The following LRP5 variants were observed in gnomAD, a reference collection of about 807,000 sequenced individuals.
The protein encoded by LRP5 is low-density lipoprotein receptor-related protein 5.
LRP5 carries 62 observed loss-of-function variants against 154.1 expected under a neutral mutation model. That is an observed-to-expected ratio of 0.40 (90% CI 0.33 to 0.50). The LOEUF (loss-of-function observed/expected upper bound fraction) is 0.50. LRP5 is among the 20% of genes least tolerant of loss of function. The pLI is 0.55. For missense variants in LRP5, 1,915 were observed against 2,336.7 expected, an observed-to-expected ratio of 0.82 and a Z score of 3.72; for synonymous variants, 966 against 1,011.5, an observed-to-expected ratio of 0.96 and a Z score of 0.85.
chr11:68,438,924 T>C (rs1167255746), intron 20 of LRP5, among the ~76,000 whole-genome samples: 2 of 152,248 alleles, frequency 1.3e-5, no homozygotes, highest in South Asian at 2.1e-4. Flanking sequence ...AGAAAGCTCC[T>C]TGGACTTGAC....
At chr11:68,321,536 C>G (rs1352690510) in intron 1 of LRP5, among the ~76,000 whole-genome samples, 3 of 152,090 alleles carry the variant, frequency 2.0e-5, no homozygotes, top group Non-Finnish European at 2.9e-5. Context: ...AATTCATCTG[C>G]TGGGTGCAGT....
intron 1 of LRP5, among the ~76,000 whole-genome samples, chr11:68,340,108 C>T (rs1424977177): frequency 1.3e-5 from 2 of 152,100 alleles, no homozygotes; most frequent in Admixed American, 6.5e-5. Flanking sequence ...GGCGTGGTGG[C>T]GTGTGCCTGT....
At chr11:68,358,255 A>T (rs1463935069) in intron 3 of LRP5, among the ~76,000 whole-genome samples, 1 of 152,014 alleles carries the variant, frequency 6.6e-6, no homozygotes, top group African/African-American at 2.4e-5. Flanking sequence ...AGCTGGGACT[A>T]CAGGAGTGCG....
upstream of LRP5, among the ~76,000 whole-genome samples, chr11:68,308,450 C>T (rs564075592): frequency 5.9e-5 from 9 of 152,274 alleles, no homozygotes; most frequent in East Asian, 1.9e-4. Context: ...ATCTAAGGAA[C>T]GAACTGAGAG....
chr11:68,338,867 GTTTT>G (rs11382677), intron 1 of LRP5, among the ~76,000 whole-genome samples: 2 of 91,948 alleles, frequency 2.2e-5, no homozygotes, highest in South Asian at 4.0e-4. Flanking sequence ...CTTTTGTTTA[GTTTT>G]TTTTTTTTTT....
rs1565100491 is a variant in LRP5 at position 68,423,358 on chromosome 11, G to A, written c.3028-131G>A. The A allele has an allele frequency of 1.2e-6, 1 of 830,696 alleles. No individual in the cohort carries two copies. The highest frequency in any genetic ancestry group is 2.1e-6 in the Non-Finnish European group (1 of 477,338). 51.5% of individuals were successfully genotyped at this position (830,696 alleles called of 1,614,324 possible). On this transcript the variant is annotated intron_variant, in intron 13 of 22. Coordinates refer to ENST00000294304, the MANE Select transcript of LRP5 (RefSeq NM_002335.4). This position sits in a 1 kb window ranked among gnomAD's most constrained non-coding sequence, Gnocchi z 4.7. ...GTCCTGCCAGAGCTCTCCAGCCAGT[G>A]CCCAGGGCTCTCCAGCCAGTGCCCG...
chr11:68,438,630 C>T lies in LRP5; in HGVS notation c.4296C>T (p.His1432=), dbSNP rs372446875. 30 of 1,613,546 alleles carry T rather than the reference C, an allele frequency of 1.9e-5. No homozygotes were observed. In the African/African-American group the frequency reaches 3.1e-4, roughly 17 times the overall value. Residue 1432 remains histidine, a synonymous_variant, in exon 20 of 23, where the codon CAC becomes CAT. Transcript: ENST00000294304. The part of the protein sequence containing the change: ...FPHEYVSGTP[H]VPLNFIAPGG... ...ACGAGTATGTCAGCGGGACCCCGCA[C>T]GTGCCCCTCAATTTCATAGCCCCGG...
At chr11:68,327,489 C>A (rs1296803082) in intron 1 of LRP5, among the ~76,000 whole-genome samples, 1 of 152,170 alleles carries the variant, frequency 6.6e-6, no homozygotes, top group East Asian at 1.9e-4. Context: ...TTCAGTTGCC[C>A]CCCCTTAGGC....
intron 9 of LRP5, among the ~76,000 whole-genome samples, chr11:68,409,430 TC>T (rs2098658169): frequency 1.3e-5 from 2 of 150,984 alleles, no homozygotes; most frequent in African/African-American, 4.9e-5. Flanking sequence ...AGTTGCTTTT[TC>T]CAAAAAGGTG....
At position 68,320,175 on chromosome 11, in the gene LRP5, A is replaced by G. The variant is rs1352990487; in HGVS notation, c.91+7370A>G. 5.9e-5 allele frequency among the ~76,000 whole-genome samples: 9 copies of G among 152,276 alleles called. No individual in the cohort carries two copies. In the South Asian group the frequency reaches 1.7e-3, roughly 28 times the overall value. On this transcript the variant is annotated intron_variant, in intron 1 of 22. Coordinates refer to ENST00000294304, the MANE Select transcript of LRP5 (RefSeq NM_002335.4). ...GCGAGACCCTGTCTCAAATACATAC[A>G]TACAAGCATACATACATACATAACT... is the stretch of plus-strand genomic sequence containing the variant.
At position 68,387,813 on chromosome 11, in the gene LRP5, A is replaced by G. The variant is rs112719019; in HGVS notation, c.1412+1101A>G. 9.5e-4 allele frequency among the ~76,000 whole-genome samples: 144 copies of G among 152,190 alleles called. 1 individual carries two copies. The highest frequency in any genetic ancestry group is 3.2e-3 in the African/African-American group (131 of 41,522). On this transcript the variant is annotated intron_variant, in intron 6 of 22. Coordinates refer to ENST00000294304, the MANE Select transcript of LRP5 (RefSeq NM_002335.4). ...TCAGTAGCGGTGCTGCCCTCTGTGG[A>G]GCACTTAGTGGGCACCAGGTGTGTT... is the stretch of plus-strand genomic sequence containing the variant.
Position 68,386,796 on chromosome 11 carries a change from G to A in LRP5, c.1412+84G>A. 1 of 1,453,298 alleles carries A rather than the reference G, an allele frequency of 6.9e-7. No individual in the cohort carries two copies. Among genetic ancestry groups the A allele is most frequent in the Non-Finnish European group, 9.3e-7 (1 of 1,076,954 alleles). 90.0% of individuals were successfully genotyped at this position (1,453,298 alleles called of 1,614,324 possible). A position where few individuals can be genotyped will look rare whatever the true frequency, so the allele number is the denominator to read the frequency against. ...GAGATTGACCTGGACCTGTCATTCT[G>A]GGACACTGTCTTGCATCAGAACCCG... On this transcript the variant is annotated intron_variant, in intron 6 of 22. Coordinates refer to ENST00000294304, the MANE Select transcript of LRP5 (RefSeq NM_002335.4). The surrounding 1 kb of genome is among the most constrained non-coding windows in gnomAD (Gnocchi z 7.9).
At chr11:68,403,827 A>T in intron 8 of LRP5, 128 bp downstream of exon 8, 1 of 1,105,240 alleles carries the variant, frequency 9.0e-7, no homozygotes. Flanking sequence ...AGGACAGGAA[A>T]GGTGACAGTA....
chr11:68,384,755 G>A (rs1235350773), intron 5 of LRP5, among the ~76,000 whole-genome samples: 1 of 152,166 alleles, frequency 6.6e-6, no homozygotes, highest in African/African-American at 2.4e-5. Flanking sequence ...GGGCCACGGG[G>A]GTTCAGAAGA....
intron 1 of LRP5, among the ~76,000 whole-genome samples, chr11:68,321,893 C>T (rs935902681): frequency 5.9e-5 from 9 of 152,260 alleles, no homozygotes; most frequent in African/African-American, 2.2e-4. Context: ...GAGCGTGTGG[C>T]CTGGGCTGGA....
At chr11:68,404,736 C>T (rs963473246) in intron 8 of LRP5, among the ~76,000 whole-genome samples, 16 of 151,990 alleles carry the variant, frequency 1.1e-4, no homozygotes, top group East Asian at 1.9e-4. Context: ...TTTGGGAGGC[C>T]GAGGCGGGTG....
chr11:68,363,892 C>T lies in LRP5; in HGVS notation c.832C>T (p.Leu278Phe). The T allele has an allele frequency of 2.5e-6, 4 of 1,612,672 alleles. No homozygotes were observed. Among genetic ancestry groups the T allele is most frequent in the Non-Finnish European group, 3.4e-6 (4 of 1,179,730 alleles). The stretch of plus-strand genomic sequence containing the variant: ...GAAGAGGAAGGAGATCCTGAGTGCC[C>T]TCTACTCACCCATGGACATCCAGGT... ...GGKRKEILSA[L>F]YSPMDIQVLS... The change falls in exon 4 of 23, where the codon CTC (leucine) becomes TTC (phenylalanine). Residue 278 changes from leucine to phenylalanine, a missense_variant. Leu to Phe is a conservative substitution (Grantham distance 22). Transcript: ENST00000294304.
intron 22 of LRP5, 48 bp from the exon 23 acceptor site, chr11:68,448,761 G>A (rs756817037): frequency 1.9e-6 from 3 of 1,599,196 alleles, no homozygotes; most frequent in East Asian, 4.5e-5. Context: ...TGCCCACCAG[G>A]GCGGATGTGC....
rs116136314 is a variant in LRP5 at position 68,422,157 on chromosome 11, A to G, written c.3028-1332A>G. Among the ~76,000 whole-genome samples, 568 of 152,246 alleles carry G rather than the reference A, an allele frequency of 3.7e-3. 3 individuals carry two copies. Among genetic ancestry groups the G allele is most frequent in the African/African-American group, 0.013 (545 of 41,548 alleles). On this transcript the variant is annotated intron_variant, in intron 13 of 22. Coordinates refer to ENST00000294304, the MANE Select transcript of LRP5 (RefSeq NM_002335.4). ...CAGATGGAGTCTTGCTATGTTGCCC[A>G]GACTAGTCTCAAACTCCTGAACTCA...
Sources: gnomAD v4.1 joint callset for allele counts (sites outside exome capture counted in the v4.1 genomes callset) on GRCh38, gnomAD v4.1.1 for gene constraint, Gnocchi (gnomAD v3.1) non-coding constraint, MANE v1.5 for transcripts, NCBI Gene and HGNC (gene_info 2026-07-23, HGNC 2026-07-21) for gene names.